YARS1: variants seen among roughly 807,000 people sequenced by gnomAD.
YARS1 encodes the protein tyrosine--tRNA ligase, cytoplasmic.
A neutral mutation model predicts 62.2 loss-of-function variants in YARS1; 36 were observed. The ratio of observed to expected loss-of-function variants is 0.58; its 90% CI spans 0.44 to 0.76. The LOEUF (loss-of-function observed/expected upper bound fraction) is 0.76, where lower values mean the gene tolerates loss of function less well. Among genes scored for constraint, YARS1 ranks in the 30% least tolerant of loss-of-function variants. The probability of loss-of-function intolerance (pLI) is 0.00; values close to 1 mark genes in which losing one functional copy is unlikely to be tolerated. For missense variants in YARS1, 524 were observed against 639.8 expected (o/e 0.82, Z 1.95); for synonymous variants, 234 against 244.9 (o/e 0.96, Z 0.42).
chr1:32,807,923 T>G (rs1638498800), intron 3 of YARS1, among the ~76,000 whole-genome samples: 1 of 152,170 alleles, frequency 6.6e-6, no homozygotes, highest in Non-Finnish European at 1.5e-5. Flanking sequence ...TGTTTTTTTG[T>G]TTTTGAGACA....
chr1:32,802,759 C>A (rs573960940), intron 4 of YARS1, among the ~76,000 whole-genome samples: 2 of 152,114 alleles, frequency 1.3e-5, no homozygotes, highest in Admixed American at 1.3e-4. Flanking sequence ...TGTTAACAGA[C>A]GTGCTACTAT....
At chr1:32,796,175 A>C (rs1653574803) in intron 5 of YARS1, among the ~76,000 whole-genome samples, 1 of 151,512 alleles carries the variant, frequency 6.6e-6, no homozygotes, top group African/African-American at 2.4e-5. Flanking sequence ...GGCACCTGTA[A>C]TCCCAGCTAC....
intron 4 of YARS1, among the ~76,000 whole-genome samples, chr1:32,806,065 T>G (rs1557463809): frequency 6.6e-6 from 1 of 152,152 alleles, no homozygotes; most frequent in Non-Finnish European, 1.5e-5. Flanking sequence ...ATTGTTGTGT[T>G]TTAGGAAATG....
At chr1:32,810,029 C>T (rs1231664090) in intron 3 of YARS1, among the ~76,000 whole-genome samples, 2 of 151,436 alleles carry the variant, frequency 1.3e-5, no homozygotes, top group Admixed American at 6.6e-5. Flanking sequence ...TCTCTTGAAC[C>T]CAGGAGGCAG....
At chr1:32,782,585 C>A in intron 8 of YARS1, 46 bp from the exon 9 acceptor site, 1 of 1,613,210 alleles carries the variant, frequency 6.2e-7, no homozygotes, top group Middle Eastern at 1.7e-4. Context: ...TAGAACAGGG[C>A]ACAGGACACC....
At chr1:32,802,371 C>G (rs1638322821) in intron 4 of YARS1, among the ~76,000 whole-genome samples, 2 of 152,162 alleles carry the variant, frequency 1.3e-5, no homozygotes, top group African/African-American at 4.8e-5. Context: ...GATATTTTTA[C>G]TTCCTCCCAT....
At chr1:32,793,330 A>G (rs1307728941) in intron 5 of YARS1, among the ~76,000 whole-genome samples, 2 of 152,216 alleles carry the variant, frequency 1.3e-5, no homozygotes, top group Non-Finnish European at 2.9e-5. Context: ...GGATAAATAC[A>G]AAGAAAACTA....
rs1638778026 is a variant in YARS1, at chr1:32,817,303, C to T, written c.-59G>A. The T allele has an allele frequency of 1.9e-6, 3 of 1,602,428 alleles. No individual in the cohort carries two copies. The highest frequency in any genetic ancestry group is 2.6e-6 in the Non-Finnish European group (3 of 1,172,494). ...GGCACCAGAGCCCCTTCCTGGGTCA[C>T]CGTCGCCGCCGCGTGCCGGGAACTG... On this transcript the variant is annotated 5_prime_UTR_variant, in exon 1 of 13. The change creates a new upstream start codon in the 5' untranslated region. Coordinates refer to ENST00000373477, the MANE Select transcript of YARS1 (RefSeq NM_003680.4).
chr1:32,807,382 A>G (rs1638487898), intron 3 of YARS1, among the ~76,000 whole-genome samples: 1 of 152,174 alleles, frequency 6.6e-6, no homozygotes, highest in South Asian at 2.1e-4. Flanking sequence ...ATTCAAACAG[A>G]GCACTGCCTG....
At chr1:32,804,896 G>A (rs1208124438) in intron 4 of YARS1, among the ~76,000 whole-genome samples, 2 of 152,118 alleles carry the variant, frequency 1.3e-5, no homozygotes, top group African/African-American at 4.8e-5. Context: ...GGGAGGTGGA[G>A]GTTGTAGCGA....
chr1:32,805,260 AGGG>A (rs1330697192), intron 4 of YARS1, among the ~76,000 whole-genome samples: 4 of 110,078 alleles, frequency 3.6e-5, no homozygotes, highest in Non-Finnish European at 5.4e-5. Context: ...AGAGGGGGAG[AGGG>A]GGAGAGGGAG....
At chr1:32,810,077 G>A (rs1638549758) in intron 3 of YARS1, among the ~76,000 whole-genome samples, 1 of 146,922 alleles carries the variant, frequency 6.8e-6, no homozygotes, top group Admixed American at 7.0e-5. Context: ...TTGCACTCCA[G>A]CCTGGGCAAC....
In YARS1 at chr1:32,786,239, G is replaced by A. The variant is rs1355370014; in HGVS notation, c.906+123C>T. The A allele has an allele frequency of 1.5e-5, 15 of 989,832 alleles. No individual in the cohort carries two copies. The East Asian group carries it at 3.9e-4, about 26-fold the overall frequency. The allele number at this position is 989,832 out of a possible 1,614,324, so 61.3% of individuals were successfully genotyped here. A position where few individuals can be genotyped will look rare whatever the true frequency, so the allele number is the denominator to read the frequency against. ...GACACTAGTGAGATTACCAAAAGTA[G>A]AGCAAAAATAGCAGGCAGCTCACTT... On this transcript the variant is annotated intron_variant, in intron 8 of 12. Coordinates refer to ENST00000373477, the MANE Select transcript of YARS1 (RefSeq NM_003680.4).
At position 32,817,344 on chromosome 1, in the gene YARS1, C is replaced by G. The variant is rs1569797359; in HGVS notation, c.-100G>C. On this transcript the variant is annotated 5_prime_UTR_variant, in exon 1 of 13. Coordinates refer to ENST00000373477, the MANE Select transcript of YARS1 (RefSeq NM_003680.4). ...CCGGGAACTGTCACGCGAGTCCAGC[C>G]AGGTTGCATCAGCTGGGCTCGGCGC... 1 of 1,486,942 alleles carries G rather than the reference C, an allele frequency of 6.7e-7. No homozygotes were observed. The highest frequency in any genetic ancestry group is 1.4e-5 in the African/African-American group (1 of 72,698). 92.1% of individuals were successfully genotyped at this position (1,486,942 alleles called of 1,614,324 possible).
intron 12 of YARS1, among the ~76,000 whole-genome samples, chr1:32,778,139 AG>A (rs1384431382): frequency 6.6e-6 from 1 of 152,228 alleles, no homozygotes; most frequent in East Asian, 1.9e-4. Context: ...GGTATTAACT[AG>A]AAAGAGTCAC....
chr1:32,788,759 G>A (rs1653320567), intron 6 of YARS1, among the ~76,000 whole-genome samples: 1 of 152,034 alleles, frequency 6.6e-6, no homozygotes, highest in African/African-American at 2.4e-5. Flanking sequence ...TTAAAATGGG[G>A]TCTCACTGTG....
chr1:32,782,886 A>G, intron 8 of YARS1: 1 of 316,512 alleles, frequency 3.2e-6, no homozygotes, highest in Non-Finnish European at 6.1e-6. Context: ...AGGCCTAAAG[A>G]TAACCTGAGG....
At chr1:32,789,235 C>T (rs1484226415) in intron 6 of YARS1, among the ~76,000 whole-genome samples, 1 of 152,148 alleles carries the variant, frequency 6.6e-6, no homozygotes, top group African/African-American at 2.4e-5. Context: ...ATATATAATG[C>T]TACATTGGAC....
At chr1:32,779,839 G>GT (rs1652994160) in intron 11 of YARS1, 1 of 614,104 alleles carries the variant, frequency 1.6e-6, no homozygotes, top group African/African-American at 1.8e-5. Flanking sequence ...CTTACTAGTA[G>GT]TAAGACTTGG....
Sources: allele counts gnomAD v4.1 joint callset (sites outside exome capture counted in the v4.1 genomes callset), GRCh38; gene constraint gnomAD v4.1.1; transcripts MANE v1.5; gene names NCBI Gene and HGNC (gene_info 2026-07-23, HGNC 2026-07-21).